Variants in CDIN1 observed in about 807,000 individuals in gnomAD.
The protein encoded by CDIN1 is CDAN1-interacting nuclease 1.
CDIN1 carries 33 observed loss-of-function variants against 45.3 expected under a neutral mutation model. The observed-to-expected ratio is 0.73, with a 90% CI of 0.55 to 0.97. The LOEUF (loss-of-function observed/expected upper bound fraction) is 0.97. Ranked by LOEUF, CDIN1 falls within the 50% of genes least tolerant of loss-of-function variation. The pLI, the probability that CDIN1 is intolerant of heterozygous loss-of-function variation, is 0.00. For synonymous variants in CDIN1, 118 were observed against 124.4 expected (o/e 0.95, Z 0.34); for missense variants, 303 against 339.4 (o/e 0.89, Z 0.84).
chr15:36,595,764 G>A (rs1200050069), intron 1 of CDIN1, among the ~76,000 whole-genome samples: 1 of 152,224 alleles, frequency 6.6e-6, no homozygotes, highest in African/African-American at 2.4e-5. Context: ...GAAAACGTGG[G>A]CTATGTGTGC....
At chr15:36,789,006 G>A (rs1273733748) in intron 10 of CDIN1, among the ~76,000 whole-genome samples, 1 of 152,218 alleles carries the variant, frequency 6.6e-6, no homozygotes, top group African/African-American at 2.4e-5. Flanking sequence ...TGGAAGAATT[G>A]TTTTGGTCCA....
intron 5 of CDIN1, among the ~76,000 whole-genome samples, chr15:36,660,115 T>G (rs1039957115): frequency 6.6e-5 from 10 of 152,086 alleles, no homozygotes; most frequent in African/African-American, 2.4e-4. Context: ...AATTTCCCTG[T>G]GTGTATATTA....
chr15:36,792,414 T>G (rs2054667445), intron 10 of CDIN1, among the ~76,000 whole-genome samples: 1 of 152,144 alleles, frequency 6.6e-6, no homozygotes, highest in African/African-American at 2.4e-5. Flanking sequence ...CTAAGGAAAC[T>G]GTTAGCCGTT....
intron 3 of CDIN1, among the ~76,000 whole-genome samples, chr15:36,651,319 A>G (rs1326943229): frequency 6.6e-6 from 1 of 152,196 alleles, no homozygotes; most frequent in Non-Finnish European, 1.5e-5. Context: ...GAAGCAAACC[A>G]TTATACCAGT....
At chr15:36,761,441 C>T (rs1316859594) in intron 10 of CDIN1, among the ~76,000 whole-genome samples, 1 of 152,162 alleles carries the variant, frequency 6.6e-6, no homozygotes, top group Admixed American at 6.6e-5. Flanking sequence ...GATCTGGTGA[C>T]AGTATACAGC....
chr15:36,584,150 G>A (rs970477739), intron 1 of CDIN1, among the ~76,000 whole-genome samples: 7 of 152,184 alleles, frequency 4.6e-5, no homozygotes, highest in African/African-American at 1.7e-4. Context: ...TGGTCATAGT[G>A]GTGGTGGATT....
At chr15:36,697,214 A>G (rs541381891) in intron 7 of CDIN1, 109 bp from the exon 8 acceptor site, 6 of 823,530 alleles carry the variant, frequency 7.3e-6, no homozygotes, top group Admixed American at 2.2e-5. Flanking sequence ...TCATTCCTCC[A>G]AGATGTGGAC....
chr15:36,600,092 G>A (rs1000610019), intron 1 of CDIN1, among the ~76,000 whole-genome samples: 1 of 152,208 alleles, frequency 6.6e-6, no homozygotes, highest in Admixed American at 6.5e-5. Flanking sequence ...TGTTGTGTGT[G>A]GGGAGAATTT....
At chr15:36,630,532 A>G (rs972453052) in intron 1 of CDIN1, among the ~76,000 whole-genome samples, 4 of 152,188 alleles carry the variant, frequency 2.6e-5, no homozygotes, top group Admixed American at 2.0e-4. Context: ...AATATTCCCT[A>G]TTGGTGCTCC....
chr15:36,688,929 C>T (rs1364290303), intron 5 of CDIN1, among the ~76,000 whole-genome samples: 2 of 152,190 alleles, frequency 1.3e-5, no homozygotes, highest in Non-Finnish European at 2.9e-5. Flanking sequence ...ACAGCACAGG[C>T]AGTCACTTCC....
chr15:36,753,899 A>G (rs1447125329), intron 10 of CDIN1, among the ~76,000 whole-genome samples: 1 of 151,576 alleles, frequency 6.6e-6, no homozygotes, highest in Non-Finnish European at 1.5e-5. Flanking sequence ...ATGAAAGTCT[A>G]GATACAAGAA....
chr15:36,740,418 T>G (rs755013838), intron 10 of CDIN1, among the ~76,000 whole-genome samples: 1 of 152,070 alleles, frequency 6.6e-6, no homozygotes, highest in Non-Finnish European at 1.5e-5. Context: ...TCACCTTAGA[T>G]CCGAGATTAT....
chr15:36,625,554 T>G (rs1173942037), intron 1 of CDIN1, among the ~76,000 whole-genome samples: 1 of 152,170 alleles, frequency 6.6e-6, no homozygotes, highest in Non-Finnish European at 1.5e-5. Context: ...GGGAAAAAAT[T>G]CGACACCTTG....
At chr15:36,762,379 A>C (rs2053789274) in intron 10 of CDIN1, among the ~76,000 whole-genome samples, 1 of 152,220 alleles carries the variant, frequency 6.6e-6, no homozygotes, top group Admixed American at 6.5e-5. Context: ...AGATTTATTT[A>C]TAAAAATGGC....
intron 8 of CDIN1, 144 bp downstream of exon 8, chr15:36,697,534 A>T: frequency 1.5e-6 from 1 of 654,348 alleles, no homozygotes; most frequent in East Asian, 3.0e-5. Context: ...CTGAGCAGGA[A>T]CTCAGTTACC....
At chr15:36,667,892 G>A (rs369650566) in intron 5 of CDIN1, among the ~76,000 whole-genome samples, 14 of 152,148 alleles carry the variant, frequency 9.2e-5, no homozygotes, top group East Asian at 3.9e-4. Context: ...AATACAACAC[G>A]TCAAGTAGAT....
intron 1 of CDIN1, among the ~76,000 whole-genome samples, chr15:36,587,797 G>C (rs189112512): frequency 2.0e-5 from 3 of 152,228 alleles, no homozygotes; most frequent in Non-Finnish European, 4.4e-5. Flanking sequence ...TCTGTAAAAG[G>C]AGAGGTGAAG....
intron 1 of CDIN1, among the ~76,000 whole-genome samples, chr15:36,584,230 C>T (rs575017678): frequency 8.8e-4 from 134 of 152,166 alleles, no homozygotes; most frequent in African/African-American, 3.1e-3. Context: ...TATTCAAAAG[C>T]AAACAATAGC....
intron 1 of CDIN1, among the ~76,000 whole-genome samples, chr15:36,625,238 G>A (rs374821633): frequency 2.6e-5 from 4 of 151,022 alleles, no homozygotes; most frequent in South Asian, 2.1e-4. Flanking sequence ...CCGAGATTGC[G>A]CCACTGCACT....
Sources: allele counts gnomAD v4.1 joint callset (sites outside exome capture counted in the v4.1 genomes callset), GRCh38; gene constraint gnomAD v4.1.1; transcripts MANE v1.5; gene names NCBI Gene and HGNC (gene_info 2026-07-23, HGNC 2026-07-21).